GK5: variants seen among roughly 807,000 people sequenced by gnomAD.
GK5 encodes glycerol kinase 5, also known as ATP:glycerol 3-phosphotransferase 5.
A neutral mutation model predicts 77.3 loss-of-function variants in GK5; 39 were observed. The ratio of observed to expected loss-of-function variants is 0.50; its 90% CI spans 0.39 to 0.66. The LOEUF is 0.66. GK5 is among the 30% of genes least tolerant of loss of function. The pLI is 0.00. For synonymous variants in GK5, 211 were observed against 208.0 expected (o/e 1.01, Z -0.13); for missense variants, 487 against 633.8 (o/e 0.77, Z 2.49).
chr3:142,193,533 T>G (rs2063885654), intron 5 of GK5, among the ~76,000 whole-genome samples: 1 of 151,866 alleles, frequency 6.6e-6, no homozygotes, highest in Non-Finnish European at 1.5e-5. Flanking sequence ...GAAATTGTGT[T>G]GTACCTGTAG....
At position 142,159,853 on chromosome 3, in the gene GK5, C is replaced by CTCTTTTTTTTTTTTT. The variant is rs1553825247; in HGVS notation, c.*5768_*5769insAAAAAAAAAAAAAGA. ...TTTCTCTCTCTCTCTCTCTCTCTCT[C>CTCTTTTTTTTTTTTT]TTTTTTTTTTTTGAGACAGAGTCTC... On this transcript the variant is annotated 3_prime_UTR_variant, in exon 16 of 16. Coordinates refer to ENST00000392993, the MANE Select transcript of GK5 (RefSeq NM_001039547.3). 6.6e-5 allele frequency: 7 copies of CTCTTTTTTTTTTTTT among 106,122 alleles called. No homozygotes were observed. Among genetic ancestry groups the CTCTTTTTTTTTTTTT allele is most frequent in the African/African-American group, 2.9e-4 (7 of 24,252 alleles). 6.6% of individuals were successfully genotyped at this position (106,122 alleles called of 1,614,324 possible). A position where few individuals can be genotyped will look rare whatever the true frequency, so the allele number is the denominator to read the frequency against.
In GK5 at chr3:142,163,316, CCAGGCTACAGTGCAGTGGCATG is replaced by C. The variant is rs1436269194; in HGVS notation, c.*2284_*2305del. The C allele has an allele frequency of 6.6e-6, 1 of 150,902 alleles. No individual in the cohort carries two copies. The highest frequency in any genetic ancestry group is 2.4e-5 in the African/African-American group (1 of 41,050). The allele number at this position is 150,902 out of a possible 1,614,324, so 9.3% of individuals were successfully genotyped here. ...TTGAGACGCAGTGTCGCTCTGTTGC[CCAGGCTACAGTGCAGTGGCATG>C]ATCTTGGCTCACTGCAACTTCCACC... On this transcript the variant is annotated 3_prime_UTR_variant, in exon 16 of 16. Transcript: ENST00000392993.
In GK5 at chr3:142,185,919, TC is replaced by T. The variant is rs770451743; in HGVS notation, c.816+9del. The T allele has an allele frequency of 2.7e-4, 430 of 1,598,150 alleles. No homozygotes were observed. Among genetic ancestry groups the T allele is most frequent in the Non-Finnish European group, 3.4e-4 (400 of 1,171,318 alleles). On this transcript the variant is annotated intron_variant, in intron 9 of 15. Coordinates refer to ENST00000392993, the MANE Select transcript of GK5 (RefSeq NM_001039547.3). ...CTATACAAAGGGAATCCCTCAAGTT[TC>T]CTACTTACCAAGGCAACTATTGGTA...
intron 3 of GK5, among the ~76,000 whole-genome samples, chr3:142,205,054 T>A (rs1049526226): frequency 9.9e-5 from 15 of 152,230 alleles, no homozygotes; most frequent in African/African-American, 3.4e-4. Context: ...CTACACACTT[T>A]AAAAGCAGAT....
At chr3:142,170,115 AG>A in intron 15 of GK5, 1 of 636,420 alleles carries the variant, frequency 1.6e-6, no homozygotes, top group African/African-American at 1.8e-5. Flanking sequence ...TTCTGACTGA[AG>A]GGGTGAGGTG....
chr3:142,188,061 T>G (rs942055925), intron 5 of GK5, among the ~76,000 whole-genome samples: 5 of 152,032 alleles, frequency 3.3e-5, no homozygotes, highest in Admixed American at 6.6e-5. Flanking sequence ...TTTTGTTGTT[T>G]TTTTTTTAAA....
intron 1 of GK5, among the ~76,000 whole-genome samples, chr3:142,220,162 G>C (rs1172779949): frequency 6.6e-6 from 1 of 152,102 alleles, no homozygotes; most frequent in Non-Finnish European, 1.5e-5. Flanking sequence ...TTTTGAGACG[G>C]AGTCTCGCTG....
At chr3:142,180,708 G>A (rs2063685073) in intron 11 of GK5, among the ~76,000 whole-genome samples, 1 of 152,098 alleles carries the variant, frequency 6.6e-6, no homozygotes, top group Non-Finnish European at 1.5e-5. Flanking sequence ...TAGGGAGGTA[G>A]AAGTAGTAGC....
At chr3:142,173,336 A>T (rs1202484440) in intron 12 of GK5, 1 of 277,724 alleles carries the variant, frequency 3.6e-6, no homozygotes, top group Non-Finnish European at 7.4e-6. Context: ...TAATCAGATG[A>T]GGTTTCTATT....
intron 3 of GK5, among the ~76,000 whole-genome samples, chr3:142,211,431 G>A (rs2064186985): frequency 6.6e-6 from 1 of 152,182 alleles, no homozygotes; most frequent in Non-Finnish European, 1.5e-5. Flanking sequence ...CCAGTGCTGG[G>A]GAGTGGAGTA....
At chr3:142,206,755 C>A (rs1422965312) in intron 3 of GK5, among the ~76,000 whole-genome samples, 1 of 152,208 alleles carries the variant, frequency 6.6e-6, no homozygotes, top group Non-Finnish European at 1.5e-5. Context: ...GAGGGATTAT[C>A]TAATCTCAAC....
chr3:142,218,271 G>A (rs1056546928), intron 1 of GK5, among the ~76,000 whole-genome samples: 2 of 149,286 alleles, frequency 1.3e-5, no homozygotes, highest in South Asian at 2.1e-4. Flanking sequence ...GGTGGCTCAC[G>A]CCTGTAATCC....
intron 1 of GK5, among the ~76,000 whole-genome samples, chr3:142,224,655 C>T (rs559671267): frequency 6.6e-6 from 1 of 152,204 alleles, no homozygotes; most frequent in Non-Finnish European, 1.5e-5. Flanking sequence ...AAATAGAAAA[C>T]TGATGACCAC....
intron 3 of GK5, among the ~76,000 whole-genome samples, chr3:142,211,571 C>T (rs556829965): frequency 6.6e-6 from 1 of 152,154 alleles, no homozygotes; most frequent in Admixed American, 6.5e-5. Context: ...GCAGGCAGAT[C>T]ACTTGAGGCT....
chr3:142,183,150 C>A (rs1474093477), intron 9 of GK5, 101 bp from the exon 10 acceptor site: 16 of 1,045,908 alleles, frequency 1.5e-5, no homozygotes, highest in South Asian at 5.5e-5. Flanking sequence ...TAAACATCTT[C>A]GTTTCTTTTT....
chr3:142,215,557 A>G, intron 2 of GK5, 42 bp downstream of exon 2: 1 of 1,095,626 alleles, frequency 9.1e-7, no homozygotes, highest in South Asian at 1.5e-5. Flanking sequence ...ATTACAAAAA[A>G]AAAACCATAA....
chr3:142,212,442 G>A lies in GK5; in HGVS notation c.317+1084C>T, dbSNP rs559725698. 1.5e-4 allele frequency among the ~76,000 whole-genome samples: 23 copies of A among 152,164 alleles called. No individual in the cohort carries two copies. The South Asian group carries it at 3.1e-3, about 21-fold the overall frequency. ...TCCCAGCTACTCAGGAGGCTAAGGCGGGAGGATTACCTGAGCCTGGGAAGT... is the reference window on the plus strand; with the variant it reads ...TCCCAGCTACTCAGGAGGCTAAGGCAGGAGGATTACCTGAGCCTGGGAAGT... On this transcript the variant is annotated intron_variant, in intron 3 of 15. Coordinates refer to ENST00000392993, the MANE Select transcript of GK5 (RefSeq NM_001039547.3).
In GK5 at chr3:142,161,080, T is replaced by C. The variant is rs2063421699; in HGVS notation, c.*4542A>G. ...GCTCTCACTACAGAGTAGTTCTTCT[T>C]TTGTTTTTTTGTTTTTGTTTTTGTT... On this transcript the variant is annotated 3_prime_UTR_variant, in exon 16 of 16. Transcript: ENST00000392993. 1 of 115,564 alleles carries C rather than the reference T, an allele frequency of 8.7e-6. No individual in the cohort carries two copies. The highest frequency in any genetic ancestry group is 8.1e-5 in the Admixed American group (1 of 12,356). The allele number at this position is 115,564 out of a possible 1,614,324, so 7.2% of individuals were successfully genotyped here.
chr3:142,188,723 A>C (rs2063808928), intron 5 of GK5, among the ~76,000 whole-genome samples: 1 of 152,250 alleles, frequency 6.6e-6, no homozygotes, highest in Admixed American at 6.5e-5. Context: ...GTCCATAAGT[A>C]AAGTCTTATT....
Sources: allele counts gnomAD v4.1 joint callset (sites outside exome capture counted in the v4.1 genomes callset), GRCh38; gene constraint gnomAD v4.1.1; transcripts MANE v1.5; gene names NCBI Gene and HGNC (gene_info 2026-07-23, HGNC 2026-07-21).